Variants in DDX1 observed in about 807,000 individuals in gnomAD.
The protein encoded by DDX1 is ATP-dependent RNA helicase DDX1.
DDX1 carries 28 observed loss-of-function variants against 108.7 expected under a neutral mutation model. The ratio of observed to expected loss-of-function variants is 0.26; its 90% CI spans 0.19 to 0.35. The LOEUF (loss-of-function observed/expected upper bound fraction) is 0.35, where lower values mean the gene tolerates loss of function less well. Ranked by LOEUF, DDX1 falls within the 10% of genes least tolerant of loss-of-function variation. The pLI is 1.00. For missense variants in DDX1, 710 were observed against 884.5 expected (o/e 0.80, Z 2.50); for synonymous variants, 295 against 288.9 (o/e 1.02, Z -0.21).
intron 17 of DDX1, among the ~76,000 whole-genome samples, chr2:15,620,709 T>C (rs996455107): frequency 3.9e-5 from 6 of 152,194 alleles, no homozygotes; most frequent in Admixed American, 3.9e-4. Flanking sequence ...CCCTCATCTG[T>C]GTCCTCTTGA....
chr2:15,613,313 T>A, intron 14 of DDX1, 29 bp downstream of exon 14: 1 of 1,516,390 alleles, frequency 6.6e-7, no homozygotes, highest in Non-Finnish European at 9.1e-7. Context: ...TTTTAAAACA[T>A]AATGTCATGG....
rs754481484 is a variant in DDX1 at position 15,605,966 on chromosome 2, G to C, written c.642G>C (p.Leu214=). ...KFSKNGKDLG[L]AFEIPPHMKN... is the part of the protein sequence containing the mutation. ...TTTTTTAAGGAAAAGATCTTGGTCT[G>C]GCATTTGAAATACCACCACATATGA... Residue 214 remains leucine, a synonymous_variant, in exon 11 of 26, where the codon CTG becomes CTC. Coordinates refer to ENST00000233084, the MANE Select transcript of DDX1 (RefSeq NM_004939.3). The C allele has an allele frequency of 6.3e-7, 1 of 1,575,464 alleles. No homozygotes were observed. The highest frequency in any genetic ancestry group is 1.4e-5 in the African/African-American group (1 of 72,882).
chr2:15,629,958 T>A (rs1412017142), intron 24 of DDX1, 32 bp from the exon 25 acceptor site: 1 of 1,557,012 alleles, frequency 6.4e-7, no homozygotes. Context: ...TAAATGAAAT[T>A]TTTATTTGGA....
At position 15,602,507 on chromosome 2, in the gene DDX1, C is replaced by T. The variant is rs761264894; in HGVS notation, c.308-41C>T. On this transcript the variant is annotated intron_variant, in intron 6 of 25. Transcript: ENST00000233084. ...GGTGGGAATGTATGATTTATAAAAC[C>T]TGTACTGACGTGTTTTTCTGTGTTT... 3 of 1,445,764 alleles carry T rather than the reference C, an allele frequency of 2.1e-6. No homozygotes were observed. The East Asian group carries it at 6.8e-5, about 33-fold the overall frequency. The allele number at this position is 1,445,764 out of a possible 1,614,324, so 89.6% of individuals were successfully genotyped here. A position where few individuals can be genotyped will look rare whatever the true frequency, so the allele number is the denominator to read the frequency against.
intron 15 of DDX1, 44 bp from the exon 16 acceptor site, chr2:15,618,137 C>G (rs1252966619): frequency 1.7e-6 from 2 of 1,205,160 alleles, no homozygotes; most frequent in Non-Finnish European, 2.4e-6. Flanking sequence ...ACGTTTTTTT[C>G]CATACTGATT....
intron 20 of DDX1, 130 bp downstream of exon 20, chr2:15,627,275 A>G (rs972981435): frequency 1.7e-5 from 9 of 531,014 alleles, no homozygotes; most frequent in Non-Finnish European, 3.0e-5. Flanking sequence ...ACCCTAACTA[A>G]TGTGTCATCA....
chr2:15,601,885 T>C (rs1199937407), intron 6 of DDX1, among the ~76,000 whole-genome samples: 1 of 152,226 alleles, frequency 6.6e-6, no homozygotes, highest in African/African-American at 2.4e-5. Flanking sequence ...GAATCTTTAC[T>C]TAAAACCATT....
intron 14 of DDX1, among the ~76,000 whole-genome samples, chr2:15,615,238 T>G (rs116589911): frequency 0.018 from 2,761 of 152,310 alleles, 88 homozygotes; most frequent in African/African-American, 0.062. Flanking sequence ...TACGGTATTA[T>G]GCAACATGTG....
chr2:15,605,174 A>G (rs1665643459), intron 10 of DDX1, among the ~76,000 whole-genome samples: 1 of 152,130 alleles, frequency 6.6e-6, no homozygotes, highest in South Asian at 2.1e-4. Flanking sequence ...CTTTAGTTTA[A>G]CAGTACCATT....
rs150126532 is a variant in DDX1, at chr2:15,607,248, G to A, written c.891G>A (p.Glu297=). 1,931 of 1,613,606 alleles carry A rather than the reference G, an allele frequency of 1.2e-3. 2 individuals are homozygous for A. Among genetic ancestry groups the A allele is most frequent in the Non-Finnish European group, 1.5e-3 (1,794 of 1,179,568 alleles). ...CTCTCATTGTTGAACCTTCCCGGGA[G>A]TTAGCTGAACAAACTTTGAACAACA... ...PKALIVEPSR[E]LAEQTLNNIK... is the part of the protein sequence containing the mutation. The change falls in exon 13 of 26, where the codon GAG becomes GAA. Residue 297 remains glutamate, a synonymous_variant. Transcript: ENST00000233084.
intron 13 of DDX1, 132 bp downstream of exon 13, chr2:15,607,445 A>G: frequency 3.1e-6 from 2 of 651,926 alleles, no homozygotes; most frequent in South Asian, 3.1e-5. Context: ...GTATGTAAAT[A>G]TACTTTAATA....
intron 3 of DDX1, among the ~76,000 whole-genome samples, 160 bp from the exon 4 acceptor site, chr2:15,596,574 G>T (rs959759374): frequency 2.0e-5 from 3 of 152,300 alleles, no homozygotes; most frequent in African/African-American, 7.2e-5. Flanking sequence ...AACAAGATGG[G>T]CTGTAGTTGG....
intron 13 of DDX1, among the ~76,000 whole-genome samples, chr2:15,610,053 G>C (rs1409177744): frequency 6.6e-6 from 1 of 152,126 alleles, no homozygotes; most frequent in African/African-American, 2.4e-5. Flanking sequence ...TCCCACCTAA[G>C]CCTCCAGAGT....
chr2:15,596,712 C>G (rs945818377), intron 3 of DDX1, 22 bp from the exon 4 acceptor site: 1 of 1,608,060 alleles, frequency 6.2e-7, no homozygotes, highest in African/African-American at 1.3e-5. Flanking sequence ...TCTGTAAAAT[C>G]AACTTTTTTC....
In DDX1 at chr2:15,603,819, G is replaced by T; in HGVS notation, c.481G>T (p.Asp161Tyr). ...AAAATATTTTTTAAATCTAGGTACT[G>T]ACAAGTTTGGATTTGGCTTTGGTGG... ...TMQASLDLGT[D>Y]KFGFGFGGTG... Residue 161 changes from aspartate to tyrosine, a missense_variant, in exon 9 of 26, where the codon GAC becomes TAC. Asp to Tyr is a radical substitution (Grantham distance 160). Around this residue, in one of 3 missense-constraint regions of DDX1, gnomAD observed 661 missense variants for 810.2 expected, o/e 0.82. Coordinates refer to ENST00000233084, the MANE Select transcript of DDX1 (RefSeq NM_004939.3). 1 of 1,605,584 alleles carries T rather than the reference G, an allele frequency of 6.2e-7. No individual in the cohort carries two copies. The highest frequency in any genetic ancestry group is 8.5e-7 in the Non-Finnish European group (1 of 1,175,116).
At chr2:15,625,218 T>G (rs1666081359) in intron 19 of DDX1, among the ~76,000 whole-genome samples, 1 of 147,674 alleles carries the variant, frequency 6.8e-6, no homozygotes, top group African/African-American at 2.4e-5. Flanking sequence ...GAATATACAC[T>G]GTATCAATCT....
At chr2:15,602,416 G>A in intron 6 of DDX1, 132 bp from the exon 7 acceptor site, 1 of 652,928 alleles carries the variant, frequency 1.5e-6, no homozygotes, top group Non-Finnish European at 2.8e-6. Flanking sequence ...TCAGTCTCTG[G>A]AACATTGCAA....
Position 15,602,572 on chromosome 2 carries a change from G to A in DDX1, c.332G>A (p.Cys111Tyr). The change falls in exon 7 of 26, where the codon TGT becomes TAT. Residue 111 changes from cysteine to tyrosine, a missense_variant. Coordinates refer to ENST00000233084, the MANE Select transcript of DDX1 (RefSeq NM_004939.3). ...GCAATTGGGTCAGATGGTCTTTGTT[G>A]TCAAAGCAGAGAAGTAAAGGAATGG... ...AFAIGSDGLC[C>Y]QSREVKEWHG... The A allele has an allele frequency of 6.2e-7, 1 of 1,613,792 alleles. No individual in the cohort carries two copies.
At chr2:15,611,881 A>ACCTC (rs2148743496) in intron 13 of DDX1, among the ~76,000 whole-genome samples, 1 of 23,528 alleles carries the variant, frequency 4.3e-5, no homozygotes, top group East Asian at 2.5e-3. Context: ...GGCGCCCCTC[A>ACCTC]CCTCCCGGAC....
Sources: gnomAD v4.1 joint callset for allele counts (sites outside exome capture counted in the v4.1 genomes callset) on GRCh38, gnomAD v4.1.1 for gene constraint, gnomAD v4.1.1 regional missense constraint, MANE v1.5 for transcripts, NCBI Gene and HGNC (gene_info 2026-07-23, HGNC 2026-07-21) for gene names.